MCFD2: variants seen among roughly 807,000 people sequenced by gnomAD.
MCFD2 encodes the protein multiple coagulation factor deficiency 2, ER cargo receptor complex subunit, also known as multiple coagulation factor deficiency protein 2.
Under a neutral mutation model 12.8 loss-of-function variants are expected in MCFD2, and 11 were observed. That is an observed-to-expected ratio of 0.86 (90% CI 0.54 to 1.42). The LOEUF is 1.42. Ranked by LOEUF, MCFD2 falls within the 40% of genes most tolerant of loss-of-function variation. The probability of loss-of-function intolerance (pLI) is 0.00; values close to 1 mark genes in which losing one functional copy is unlikely to be tolerated. For missense variants in MCFD2, 191 were observed against 178.6 expected, an observed-to-expected ratio of 1.07 and a Z score of -0.40; for synonymous variants, 70 against 68.1, an observed-to-expected ratio of 1.03 and a Z score of -0.14.
intron 1 of MCFD2, among the ~76,000 whole-genome samples, chr2:46,934,292 T>C (rs149962486): frequency 0.024 from 3,664 of 152,342 alleles, 57 homozygotes; most frequent in South Asian, 0.063. Context: ...AGAGTCTTGC[T>C]CTGTTGCTCA....
At chr2:46,918,086 C>T (rs1186566874), upstream of MCFD2, among the ~76,000 whole-genome samples, 1 of 152,174 alleles carries the variant, frequency 6.6e-6, no homozygotes, top group Non-Finnish European at 1.5e-5. Context: ...ATTCCTGGCT[C>T]CTGTAAATAA....
chr2:46,908,181 G>C lies in MCFD2; in HGVS notation c.150-212C>G, dbSNP rs970190592. 3 of 608,752 alleles carry C rather than the reference G, an allele frequency of 4.9e-6. No individual in the cohort carries two copies. Among genetic ancestry groups the C allele is most frequent in the East Asian group, 5.6e-5 (2 of 35,516 alleles). The allele number at this position is 608,752 out of a possible 1,614,324, so 37.7% of individuals were successfully genotyped here. A position where few individuals can be genotyped will look rare whatever the true frequency, so the allele number is the denominator to read the frequency against. Reference sequence around the variant, plus strand: ...AATAGACCATCTGTTATGCTGGCAGGATTAGGGTATTCTTTCCTCTTTATT... The same window carrying C: ...AATAGACCATCTGTTATGCTGGCAGCATTAGGGTATTCTTTCCTCTTTATT... On this transcript the variant is annotated intron_variant, in intron 2 of 3. Coordinates refer to ENST00000319466, the MANE Select transcript of MCFD2 (RefSeq NM_139279.6). The surrounding 1 kb of genome is among the most constrained non-coding windows in gnomAD (Gnocchi z 4.5).
chr2:46,929,105 G>A (rs1176218229), intron 1 of MCFD2, among the ~76,000 whole-genome samples: 2 of 152,206 alleles, frequency 1.3e-5, no homozygotes, highest in Non-Finnish European at 2.9e-5. Context: ...GGAGGTTGGA[G>A]TGAGCCAAGA....
Position 46,908,808 on chromosome 2 carries a change from C to T in MCFD2, c.149+215G>A. On this transcript the variant is annotated intron_variant, in intron 2 of 3. Transcript: ENST00000319466. The surrounding 1 kb of genome is among the most constrained non-coding windows in gnomAD (Gnocchi z 4.5). ...GACCGGATTCAGACAAGTAATGTGC[C>T]CCATTTGGGCCTAAAGATCTTCCAC... 1.6e-6 allele frequency: 1 copy of T among 622,068 alleles called. No homozygotes were observed. The highest frequency in any genetic ancestry group is 2.9e-5 in the East Asian group (1 of 34,852). 38.5% of individuals were successfully genotyped at this position (622,068 alleles called of 1,614,324 possible). A position where few individuals can be genotyped will look rare whatever the true frequency, so the allele number is the denominator to read the frequency against.
At chr2:46,915,927 C>T (rs1451588017), upstream of MCFD2, 7 of 985,156 alleles carry the variant, frequency 7.1e-6, no homozygotes, top group African/African-American at 3.5e-5. Flanking sequence ...TCGCGTGAGT[C>T]CACGTGTAAT....
At chr2:46,930,890 T>G (rs1363190689) in intron 1 of MCFD2, among the ~76,000 whole-genome samples, 2 of 152,200 alleles carry the variant, frequency 1.3e-5, no homozygotes, top group Admixed American at 6.5e-5. Flanking sequence ...TTATATGAAC[T>G]CTTTGGAGAA....
In MCFD2 at chr2:46,940,753, G is replaced by C. The variant is rs114473004; in HGVS notation, c.-8+819C>G. On this transcript the variant is annotated intron_variant, in intron 1 of 2. Coordinates refer to the MCFD2 transcript ENST00000409147. This position sits in a 1 kb window ranked among gnomAD's most constrained non-coding sequence, Gnocchi z 4.7. ...GAGTCGCGGGCCTGGGAACGGGCCT[G>C]GGTCCTCGCGAGCATGCCTGGCCCG... 7.0e-3 allele frequency among the ~76,000 whole-genome samples: 1,059 copies of C among 152,330 alleles called. 13 individuals are homozygous for C. Among genetic ancestry groups the C allele is most frequent in the African/African-American group, 0.024 (992 of 41,584 alleles).
rs991786415 is a variant in MCFD2, at chr2:46,903,637, A to C, written c.*1826T>G. On this transcript the variant is annotated 3_prime_UTR_variant, in exon 4 of 4. Coordinates refer to ENST00000319466, the MANE Select transcript of MCFD2 (RefSeq NM_139279.6). ...TGACTCTTGTTATGTTTTAGCAAAGAGACTGGCAGCATTTTGCCCCTTCCA... is the reference window on the plus strand; with the variant it reads ...TGACTCTTGTTATGTTTTAGCAAAGCGACTGGCAGCATTTTGCCCCTTCCA... 2 of 152,216 alleles carry C rather than the reference A, an allele frequency of 1.3e-5. No homozygotes were observed. The highest frequency in any genetic ancestry group is 4.8e-5 in the African/African-American group (2 of 41,440). The allele number at this position is 152,216 out of a possible 1,614,324, so 9.4% of individuals were successfully genotyped here.
upstream of MCFD2, among the ~76,000 whole-genome samples, chr2:46,917,031 A>C (rs35134599): frequency 0.041 from 6,210 of 152,256 alleles, 179 homozygotes; most frequent in Middle Eastern, 0.088. Context: ...AAGACAAAGA[A>C]AGTGGCTAAG....
intron 1 of MCFD2, among the ~76,000 whole-genome samples, chr2:46,931,541 GCC>G (rs1396534977): frequency 1.3e-5 from 2 of 152,166 alleles, no homozygotes; most frequent in Non-Finnish European, 2.9e-5. Flanking sequence ...GAGTAGAGGT[GCC>G]CATGGAAGCA....
At position 46,905,050 on chromosome 2, in the gene MCFD2, C is replaced by T. The variant is rs1334776055; in HGVS notation, c.*413G>A. On this transcript the variant is annotated 3_prime_UTR_variant, in exon 4 of 4. Coordinates refer to ENST00000319466, the MANE Select transcript of MCFD2 (RefSeq NM_139279.6). Reference sequence around the variant, plus strand: ...GATCTGATGGCTTATCAGGGGTTTCCACTTTTGCTTCTTCCTCATTTTCTC... The same window carrying T: ...GATCTGATGGCTTATCAGGGGTTTCTACTTTTGCTTCTTCCTCATTTTCTC... 9.7e-6 allele frequency: 3 copies of T among 307,790 alleles called. No homozygotes were observed. Among genetic ancestry groups the T allele is most frequent in the Admixed American group, 4.5e-5 (1 of 22,118 alleles). The allele number at this position is 307,790 out of a possible 1,614,324, so 19.1% of individuals were successfully genotyped here. A position where few individuals can be genotyped will look rare whatever the true frequency, so the allele number is the denominator to read the frequency against.
chr2:46,940,399 G>A lies in MCFD2; in HGVS notation c.-8+1173C>T, dbSNP rs1670227937. 6.6e-6 allele frequency among the ~76,000 whole-genome samples: 1 copy of A among 152,132 alleles called. No homozygotes were observed. The highest frequency in any genetic ancestry group is 2.1e-4 in the South Asian group (1 of 4,836). On this transcript the variant is annotated intron_variant, in intron 1 of 2. Transcript: ENST00000409147. The surrounding 1 kb of genome is among the most constrained non-coding windows in gnomAD (Gnocchi z 4.7). ...CTGGTCTGTGAGCTGCGGCGGCAGC[G>A]GGGCCGGGCCCCTGTAAGAGGTCTC...
upstream of MCFD2, among the ~76,000 whole-genome samples, chr2:46,918,383 G>A (rs906085662): frequency 2.0e-5 from 3 of 152,202 alleles, no homozygotes; most frequent in Non-Finnish European, 4.4e-5. Context: ...TAGTCCAGTA[G>A]TAGATGATGC....
rs1294701696 is a variant in MCFD2, at chr2:46,937,754, G to A, written c.-8+3818C>T. On this transcript the variant is annotated intron_variant, in intron 1 of 2. Transcript: ENST00000409147. The surrounding 1 kb of genome is among the most constrained non-coding windows in gnomAD (Gnocchi z 4.0). ...TGCCTGGCCCAACAGTGATTTCAAA[G>A]GCCATGGATTGCATAGGAAGCTGAA... Among the ~76,000 whole-genome samples, 1 of 152,176 alleles carries A rather than the reference G, an allele frequency of 6.6e-6. No individual in the cohort carries two copies. Among genetic ancestry groups the A allele is most frequent in the East Asian group, 1.9e-4 (1 of 5,198 alleles).
intron 1 of MCFD2, among the ~76,000 whole-genome samples, chr2:46,925,113 C>G (rs1388049040): frequency 1.3e-5 from 2 of 152,134 alleles, no homozygotes; most frequent in Admixed American, 6.6e-5. Context: ...ACTTGGTTTT[C>G]AATTATTTAT....
At position 46,940,404 on chromosome 2, in the gene MCFD2, C is replaced by T. The variant is rs1670228413; in HGVS notation, c.-8+1168G>A. Among the ~76,000 whole-genome samples the T allele has an allele frequency of 6.6e-6, 1 of 152,068 alleles. No homozygotes were observed. The highest frequency in any genetic ancestry group is 2.4e-5 in the African/African-American group (1 of 41,418). On this transcript the variant is annotated intron_variant, in intron 1 of 2. Coordinates refer to the MCFD2 transcript ENST00000409147. The surrounding 1 kb of genome is among the most constrained non-coding windows in gnomAD (Gnocchi z 4.7). Reference sequence around the variant, plus strand: ...CTGTGAGCTGCGGCGGCAGCGGGGCCGGGCCCCTGTAAGAGGTCTCCCCCC... The same window carrying T: ...CTGTGAGCTGCGGCGGCAGCGGGGCTGGGCCCCTGTAAGAGGTCTCCCCCC...
Position 46,941,278 on chromosome 2 carries a change from G to C in MCFD2, c.-8+294C>G, listed in dbSNP as rs1232748914. 4.3e-5 allele frequency: 7 copies of C among 164,100 alleles called. No homozygotes were observed. The highest frequency in any genetic ancestry group is 7.2e-5 in the African/African-American group (3 of 41,596). 10.2% of individuals were successfully genotyped at this position (164,100 alleles called of 1,614,324 possible). On this transcript the variant is annotated intron_variant, in intron 1 of 2. Transcript: ENST00000409147. The surrounding 1 kb of genome is among the most constrained non-coding windows in gnomAD (Gnocchi z 4.2). ...GGCAGCGCCAGGAGCTGCTACAGCAGAGGCGGAGGTTGCTCCTGTACGCGT... is the reference window on the plus strand; with the variant it reads ...GGCAGCGCCAGGAGCTGCTACAGCACAGGCGGAGGTTGCTCCTGTACGCGT...
intron 1 of MCFD2, among the ~76,000 whole-genome samples, chr2:46,936,403 G>C (rs1280822129): frequency 6.6e-6 from 1 of 152,174 alleles, no homozygotes; most frequent in Non-Finnish European, 1.5e-5. Context: ...ACTTTTCTCA[G>C]ACGTGTCTTA....
At chr2:46,931,977 T>C (rs1037002696) in intron 1 of MCFD2, among the ~76,000 whole-genome samples, 8 of 152,184 alleles carry the variant, frequency 5.3e-5, no homozygotes, top group African/African-American at 1.9e-4. Flanking sequence ...TATTTCACCA[T>C]ATTAATGGAT....
Sources: gnomAD v4.1 joint callset for allele counts (sites outside exome capture counted in the v4.1 genomes callset) on GRCh38, gnomAD v4.1.1 for gene constraint, Gnocchi (gnomAD v3.1) non-coding constraint, MANE v1.5 for transcripts, NCBI Gene and HGNC (gene_info 2026-07-23, HGNC 2026-07-21) for gene names.